The following RBM20 variants were observed in gnomAD, a reference collection of about 807,000 sequenced individuals.
RBM20 encodes RNA-binding protein 20.
In RBM20, 51 loss-of-function variants were observed where a neutral mutation model predicts 110.1. That is an observed-to-expected ratio of 0.46 (90% CI 0.37 to 0.59). RBM20 has a LOEUF of 0.59. RBM20 is among the 20% of genes least tolerant of loss of function. RBM20 has a pLI of 0.00. For missense variants in RBM20, 1,512 were observed against 1,574.9 expected (o/e 0.96, Z 0.68); for synonymous variants, 589 against 618.2 (o/e 0.95, Z 0.70).
intron 1 of RBM20, among the ~76,000 whole-genome samples, chr10:110,767,533 G>A (rs1187735984): frequency 6.7e-6 from 1 of 150,374 alleles, no homozygotes; most frequent in African/African-American, 2.5e-5. Context: ...CTTCTCAGAC[G>A]GGGCGGCTGC....
At chr10:110,752,945 A>ATATATATATATT (rs1433992064) in intron 1 of RBM20, among the ~76,000 whole-genome samples, 5 of 108,994 alleles carry the variant, frequency 4.6e-5, no homozygotes, top group African/African-American at 1.9e-4. Context: ...ATATATATAT[A>ATATATATATATT]TTTTTTTTTT....
Position 110,780,843 on chromosome 10 carries a change from C to G in RBM20, c.234C>G (p.Asn78Lys), listed in dbSNP as rs1844328307. ...LLDKNPFSVS[N>K]PNPLLPSPAS... is the part of the protein sequence containing the mutation. ...ACAAGAACCCATTCTCGGTCAGTAACCCGAACCCTCTGCTTCCTTCACCTG... is the reference window on the plus strand; with the variant it reads ...ACAAGAACCCATTCTCGGTCAGTAAGCCGAACCCTCTGCTTCCTTCACCTG... The change falls in exon 2 of 14, where the codon AAC (asparagine) becomes AAG (lysine). Residue 78 changes from asparagine to lysine, a missense_variant. Transcript: ENST00000369519. The G allele has an allele frequency of 6.5e-7, 1 of 1,544,960 alleles. No individual in the cohort carries two copies. The highest frequency in any genetic ancestry group is 1.4e-5 in the African/African-American group (1 of 72,914).
chr10:110,726,950 A>G (rs1970459), intron 1 of RBM20, among the ~76,000 whole-genome samples: 105,629 of 151,824 alleles, frequency 0.7, 37,171 homozygotes, highest in East Asian at 1. Flanking sequence ...GGGTTCAAGC[A>G]ATTCTCCTGC....
chr10:110,815,105 C>T (rs1047337836), intron 9 of RBM20, among the ~76,000 whole-genome samples: 3 of 152,206 alleles, frequency 2.0e-5, no homozygotes, highest in African/African-American at 7.2e-5. Context: ...GCCCCTTCCA[C>T]AGGGGGCAGG....
intron 1 of RBM20, among the ~76,000 whole-genome samples, chr10:110,654,206 A>G (rs1248998144): frequency 6.6e-6 from 1 of 152,212 alleles, no homozygotes; most frequent in Non-Finnish European, 1.5e-5. Flanking sequence ...AGCAATTGTA[A>G]TGAAATATGT....
intron 5 of RBM20, among the ~76,000 whole-genome samples, chr10:110,797,201 G>A (rs2135072852): frequency 6.6e-6 from 1 of 152,252 alleles, no homozygotes; most frequent in African/African-American, 2.4e-5. Context: ...GCTGAGATGG[G>A]AGAATCACTT....
At chr10:110,643,599 T>G (rs902104490), upstream of RBM20, among the ~76,000 whole-genome samples, 1 of 152,204 alleles carries the variant, frequency 6.6e-6, no homozygotes, top group Non-Finnish European at 1.5e-5. Context: ...GTACGCATGG[T>G]TTTGTCTTTG....
Position 110,713,253 on chromosome 10 carries a change from C to A in RBM20, c.192-67548C>A, listed in dbSNP as rs1035939680. ...ACTAGGATTCCAGGTCTGGCGTGGC[C>A]ACAGATCTGCTGTGTGGTCCTAAAC... On this transcript the variant is annotated intron_variant, in intron 1 of 13. Transcript: ENST00000369519. 2.6e-5 allele frequency among the ~76,000 whole-genome samples: 4 copies of A among 152,310 alleles called. No homozygotes were observed. In the East Asian group the frequency reaches 7.7e-4, roughly 29 times the overall value.
chr10:110,823,287 T>TG (rs948247520), intron 11 of RBM20, among the ~76,000 whole-genome samples, 193 bp from the exon 12 acceptor site: 24 of 152,312 alleles, frequency 1.6e-4, no homozygotes, highest in African/African-American at 5.8e-4. Context: ...CTTTTGGCAG[T>TG]GGAAAAAGCT....
intron 1 of RBM20, among the ~76,000 whole-genome samples, chr10:110,653,883 C>T (rs1861985184): frequency 6.6e-6 from 1 of 152,146 alleles, no homozygotes; most frequent in Admixed American, 6.5e-5. Context: ...ACCAAGTATA[C>T]CCACCTCTTT....
chr10:110,664,325 C>G (rs1472835108), intron 1 of RBM20, among the ~76,000 whole-genome samples: 1 of 152,190 alleles, frequency 6.6e-6, no homozygotes, highest in Non-Finnish European at 1.5e-5. Context: ...GTGAGAAGTA[C>G]TCAGAAGCTA....
intron 1 of RBM20, among the ~76,000 whole-genome samples, chr10:110,748,742 T>G (rs536744290): frequency 6.6e-6 from 1 of 152,288 alleles, no homozygotes; most frequent in East Asian, 1.9e-4. Context: ...AATTTACCAT[T>G]TTGATTATTT....
intron 1 of RBM20, among the ~76,000 whole-genome samples, chr10:110,769,563 G>A (rs2135020635): frequency 6.6e-6 from 1 of 152,164 alleles, no homozygotes; most frequent in South Asian, 2.1e-4. Flanking sequence ...TGTCTCTTAA[G>A]GGAAGGTAGT....
At position 110,736,098 on chromosome 10, in the gene RBM20, C is replaced by T. The variant is rs535735442; in HGVS notation, c.192-44703C>T. ...CACACTTTCAGACCTGGAGATGAAA[C>T]ACAATTTTTTGGCAGCAAATCTCAA... On this transcript the variant is annotated intron_variant, in intron 1 of 13. Transcript: ENST00000369519. 4.6e-5 allele frequency among the ~76,000 whole-genome samples: 7 copies of T among 152,340 alleles called. No individual in the cohort carries two copies. The East Asian group carries it at 1.4e-3, about 29-fold the overall frequency.
At chr10:110,718,622 C>CTTTT (rs1370907526) in intron 1 of RBM20, among the ~76,000 whole-genome samples, 2 of 60,094 alleles carry the variant, frequency 3.3e-5, no homozygotes, top group African/African-American at 6.4e-5. Flanking sequence ...TTTTTTTTTT[C>CTTTT]TTTTTTTTTT....
In RBM20 at chr10:110,795,135, C is replaced by T. The variant is rs149231982; in HGVS notation, c.1528-2373C>T. On this transcript the variant is annotated intron_variant, in intron 5 of 13. Transcript: ENST00000369519. ...ACCAGGCAGAGCACCTAGCCTCAGC[C>T]GTCCTTGTGATAAGCTCAGAGGACC... Among the ~76,000 whole-genome samples, 329 of 152,336 alleles carry T rather than the reference C, an allele frequency of 2.2e-3. 5 individuals are homozygous for T. The highest frequency in any genetic ancestry group is 0.017 in the Admixed American group (254 of 15,298).
intron 1 of RBM20, among the ~76,000 whole-genome samples, chr10:110,726,112 C>A (rs2134941151): frequency 6.6e-6 from 1 of 152,302 alleles, no homozygotes; most frequent in Admixed American, 6.5e-5. Flanking sequence ...CCGGCCTCTC[C>A]CTCTCAGTGG....
intron 5 of RBM20, among the ~76,000 whole-genome samples, chr10:110,796,755 T>A (rs921490690): frequency 3.3e-5 from 5 of 151,992 alleles, no homozygotes; most frequent in Admixed American, 1.3e-4. Context: ...TCTGACTTCT[T>A]AAAAAAAATT....
rs756276591 is a variant in RBM20 at position 110,821,610 on chromosome 10, G to A, written c.2991G>A (p.Val997=). 1.0e-4 allele frequency: 160 copies of A among 1,551,244 alleles called. No individual in the cohort carries two copies. The highest frequency in any genetic ancestry group is 1.3e-4 in the Non-Finnish European group (149 of 1,146,576). Residue 997 remains valine (V), a synonymous_variant, in exon 11 of 14, where the codon GTG becomes GTA. Coordinates refer to ENST00000369519, the MANE Select transcript of RBM20 (RefSeq NM_001134363.3). ...ASTSCPSDMD[V]EMPGLNLDAE... ...CAAGCTGTCCCAGTGACATGGACGT[G>A]GAAATGCCTGGCCTAAATCTGGATG...
Sources: allele counts gnomAD v4.1 joint callset (sites outside exome capture counted in the v4.1 genomes callset), GRCh38; gene constraint gnomAD v4.1.1; transcripts MANE v1.5; gene names NCBI Gene and HGNC (gene_info 2026-07-23, HGNC 2026-07-21).